Variants in CYBA observed in about 807,000 individuals in gnomAD.
CYBA encodes cytochrome b-245 light chain.
CYBA carries 21 observed loss-of-function variants against 20.8 expected under a neutral mutation model. The observed-to-expected ratio is 1.01, with a 90% CI of 0.72 to 1.46. CYBA has a LOEUF of 1.46. Ranked by LOEUF, CYBA falls within the 40% of genes most tolerant of loss-of-function variation. CYBA has a pLI of 0.00. For synonymous variants in CYBA, 164 were observed against 127.5 expected (o/e 1.29, Z -1.93); for missense variants, 344 against 287.0 (o/e 1.20, Z -1.43).
At chr16:88,647,253 G>T in intron 2 of CYBA, 78 bp from the exon 3 acceptor site, 1 of 1,412,424 alleles carries the variant, frequency 7.1e-7, no homozygotes, top group Non-Finnish European at 9.8e-7. Context: ...AGACAACACA[G>T]AGAGGGGCCC....
rs927859055 is a variant in CYBA, at chr16:88,649,957, C to T, written c.58+999G>A. On this transcript the variant is annotated intron_variant, in intron 1 of 5. Coordinates refer to ENST00000261623, the MANE Select transcript of CYBA (RefSeq NM_000101.4). The stretch of plus-strand genomic sequence containing the variant: ...GGGAGAGCTGTCTGAACTGACCCAC[C>T]GACTTCTTGGCCGCTGACTCGAAGC... Among the ~76,000 whole-genome samples, 7 of 152,276 alleles carry T rather than the reference C, an allele frequency of 4.6e-5. No individual in the cohort carries two copies. In the Middle Eastern group the frequency reaches 0.01, roughly 223 times the overall value.
chr16:88,647,928 C>A, intron 2 of CYBA, 117 bp downstream of exon 2: 1 of 1,034,244 alleles, frequency 9.7e-7, no homozygotes, highest in Non-Finnish European at 1.5e-6. Flanking sequence ...ACAGCCCACC[C>A]TGTGTCCCAG....
At chr16:88,649,135 C>T (rs553288349) in intron 1 of CYBA, among the ~76,000 whole-genome samples, 147 of 151,978 alleles carry the variant, frequency 9.7e-4, no homozygotes, top group African/African-American at 3.4e-3. Context: ...GACGGGGTTT[C>T]ACTGTGTTAG....
chr16:88,649,139 G>A lies in CYBA; in HGVS notation c.59-1025C>T, dbSNP rs564263735. On this transcript the variant is annotated intron_variant, in intron 1 of 5. Transcript: ENST00000261623. ...TTTTTAGTAGAGACGGGGTTTCACT[G>A]TGTTAGCCAGGATGGTCTCGATCTC... 9.6e-4 allele frequency among the ~76,000 whole-genome samples: 143 copies of A among 149,036 alleles called. 1 individual carries two copies. The highest frequency in any genetic ancestry group is 8.9e-3 in the East Asian group (44 of 4,924).
chr16:88,647,148 C>G lies in CYBA; in HGVS notation c.156G>C (p.Leu52=), dbSNP rs1181233294. 6.2e-7 allele frequency: 1 copy of G among 1,610,776 alleles called. No homozygotes were observed. The highest frequency in any genetic ancestry group is 1.7e-5 in the Admixed American group (1 of 59,954). ...SIVAGVFVCL[L]EYPRGKRKKG... ...TCTTCCTCTTCCCCCGGGGGTACTC[C>G]AGCAGGCACACAAACACGCCCGCCA... Residue 52 remains leucine, a synonymous_variant, in exon 3 of 6, where the codon CTG becomes CTC. Transcript: ENST00000261623.
chr16:88,646,799 C>T lies in CYBA; in HGVS notation c.243G>A (p.Gly81=), dbSNP rs11547386. Residue 81 remains glycine (G), a synonymous_variant, in exon 4 of 6, where the codon GGG becomes GGA. Transcript: ENST00000261623. ...GAACATAGTAATTCCTGGTAAAGGG[C>T]CCGAACAGCTTCACCACGGCGGTCA... is the stretch of plus-strand genomic sequence containing the variant. ...KYMTAVVKLF[G]PFTRNYYVRA... is the part of the protein sequence containing the mutation. 67 of 1,613,978 alleles carry T rather than the reference C, an allele frequency of 4.2e-5. No homozygotes were observed. The East Asian group carries it at 1.2e-3, about 29-fold the overall frequency.
chr16:88,648,968 T>A (rs1907397607), intron 1 of CYBA, among the ~76,000 whole-genome samples: 1 of 149,342 alleles, frequency 6.7e-6, no homozygotes, highest in East Asian at 2.0e-4. Flanking sequence ...GACAGAGTCT[T>A]GCCCTGTCAC....
intron 1 of CYBA, among the ~76,000 whole-genome samples, chr16:88,649,350 G>A (rs1173071753): frequency 6.6e-6 from 1 of 152,186 alleles, no homozygotes; most frequent in African/African-American, 2.4e-5. Context: ...GGAGGGGAGG[G>A]CAGTGTCCTT....
intron 5 of CYBA, chr16:88,645,213 C>T (rs372784103): frequency 1.4e-4 from 96 of 702,372 alleles, no homozygotes; most frequent in East Asian, 7.2e-4. Flanking sequence ...GGGTGGCCCC[C>T]GGAAAACAAA....
At chr16:88,646,945 A>T in intron 3 of CYBA, 107 bp from the exon 4 acceptor site, 1 of 1,211,916 alleles carries the variant, frequency 8.3e-7, no homozygotes, top group Non-Finnish European at 1.2e-6. Context: ...TTCCTCCCAC[A>T]AAACACACCG....
intron 1 of CYBA, among the ~76,000 whole-genome samples, chr16:88,648,613 CCTTA>C (rs544584832): frequency 1.3e-5 from 2 of 151,946 alleles, no homozygotes; most frequent in South Asian, 4.2e-4. Context: ...CAATATTCCC[CCTTA>C]CTGTTTTTTT....
Position 88,650,981 on chromosome 16 carries a change from G to GT in CYBA, c.32dup (p.Asn11LysfsTer202), listed in dbSNP as rs1567611031. The GT allele has an allele frequency of 6.3e-7, 1 of 1,596,878 alleles. No individual in the cohort carries two copies. The highest frequency in any genetic ancestry group is 1.1e-5 in the South Asian group (1 of 88,750). On this transcript the variant is annotated frameshift_variant, in exon 1 of 6. Coordinates refer to ENST00000261623, the MANE Select transcript of CYBA (RefSeq NM_000101.4). LOFTEE classifies it high-confidence loss of function. ...TCAGGCCGGACGCCAGCGCCTGTTC[G>GT]TTGGCCCACATGGCCCACTCGATCT...
At chr16:88,646,427 G>GGCC in intron 4 of CYBA, 1 of 346,800 alleles carries the variant, frequency 2.9e-6, no homozygotes, top group Non-Finnish European at 5.4e-6. Flanking sequence ...TGGGTGTCCT[G>GGCC]GCCTCAGCCG....
intron 1 of CYBA, 47 bp from the exon 2 acceptor site, chr16:88,648,161 G>C (rs770694725): frequency 1.9e-6 from 3 of 1,558,864 alleles, no homozygotes; most frequent in African/African-American, 1.3e-5. Context: ...CGTCCCGGGG[G>C]CCTGGGCCAC....
rs555687405 is a variant in CYBA, at chr16:88,645,698, G to C, written c.369+418C>G. The C allele has an allele frequency of 2.4e-4, 132 of 558,948 alleles. 2 individuals are homozygous for C. Among genetic ancestry groups the C allele is most frequent in the South Asian group, 1.9e-3 (90 of 47,224 alleles). 34.6% of individuals were successfully genotyped at this position (558,948 alleles called of 1,614,324 possible). A position where few individuals can be genotyped will look rare whatever the true frequency, so the allele number is the denominator to read the frequency against. On this transcript the variant is annotated intron_variant, in intron 5 of 5. Coordinates refer to ENST00000261623, the MANE Select transcript of CYBA (RefSeq NM_000101.4). Reference sequence around the variant, plus strand: ...GTGTCGGCAGTTTAAGAAAATGTCTGCGTCCTGGCACCGCCCATGAATCAG... The same window carrying C: ...GTGTCGGCAGTTTAAGAAAATGTCTCCGTCCTGGCACCGCCCATGAATCAG...
intron 5 of CYBA, chr16:88,644,884 T>G (rs1469348958): frequency 5.9e-6 from 3 of 504,778 alleles, no homozygotes; most frequent in Non-Finnish European, 1.1e-5. Flanking sequence ...GGCAAAGGAT[T>G]TGAACAGGCA....
intron 1 of CYBA, chr16:88,650,464 C>T (rs1226893961): frequency 8.7e-6 from 4 of 461,046 alleles, no homozygotes; most frequent in Non-Finnish European, 1.7e-5. Flanking sequence ...AGACCGCCTC[C>T]AGCGCAGACT....
At chr16:88,645,726 C>G in intron 5 of CYBA, 2 of 541,454 alleles carry the variant, frequency 3.7e-6, no homozygotes, top group Non-Finnish European at 6.7e-6. Flanking sequence ...TGAATCAGCG[C>G]GAATAGGGTT....
Position 88,643,296 on chromosome 16 carries a change from T to G in CYBA, c.*57A>C. On this transcript the variant is annotated 3_prime_UTR_variant, in exon 6 of 6. Coordinates refer to ENST00000261623, the MANE Select transcript of CYBA (RefSeq NM_000101.4). This position sits in a 1 kb window ranked among gnomAD's most constrained non-coding sequence, Gnocchi z 4.3. ...AGGCAGAGGCTCACGCGCTCCCGGC[T>G]TCGCTGCATTTATTGCAGGTGGGTG... is the stretch of plus-strand genomic sequence containing the variant. 1 of 1,310,526 alleles carries G rather than the reference T, an allele frequency of 7.6e-7. No individual in the cohort carries two copies. The allele number at this position is 1,310,526 out of a possible 1,614,324, so 81.2% of individuals were successfully genotyped here.
Sources: allele counts gnomAD v4.1 joint callset (sites outside exome capture counted in the v4.1 genomes callset), GRCh38; gene constraint gnomAD v4.1.1; non-coding constraint Gnocchi (gnomAD v3.1); transcripts MANE v1.5; gene names NCBI Gene and HGNC (gene_info 2026-07-23, HGNC 2026-07-21).